Variants in CCT5 observed in about 807,000 individuals in gnomAD.
The protein encoded by CCT5 is T-complex protein 1 subunit epsilon.
Under a neutral mutation model 55.0 loss-of-function variants are expected in CCT5, and 6 were observed. The observed-to-expected ratio is 0.11, with a 90% CI of 0.06 to 0.22. The LOEUF is 0.22. Among genes scored for constraint, CCT5 ranks in the 10% least tolerant of loss-of-function variants. The probability of loss-of-function intolerance (pLI) is 1.00; values close to 1 mark genes in which losing one functional copy is unlikely to be tolerated. For synonymous variants in CCT5, 231 were observed against 243.7 expected (o/e 0.95, Z 0.49); for missense variants, 560 against 694.6 (o/e 0.81, Z 2.18).
chr5:10,257,475 T>C (rs941949012), intron 4 of CCT5, among the ~76,000 whole-genome samples: 1 of 152,246 alleles, frequency 6.6e-6, no homozygotes, highest in Non-Finnish European at 1.5e-5. Flanking sequence ...CATGGTTCTC[T>C]TTTATAGATA....
chr5:10,255,863 T>G (rs985764807), intron 3 of CCT5, 92 bp from the exon 4 acceptor site: 14 of 1,116,294 alleles, frequency 1.3e-5, no homozygotes, highest in East Asian at 2.5e-5. Flanking sequence ...AGAAGCTGCT[T>G]CTTTCCATGA....
upstream of CCT5, chr5:10,249,935 C>CCA: frequency 4.2e-6 from 3 of 716,846 alleles, no homozygotes; most frequent in Non-Finnish European, 3.4e-6. Context: ...AAAAAAAAAA[C>CCA]CGGAAATGGG....
At chr5:10,252,336 G>C (rs370466320) in intron 1 of CCT5, among the ~76,000 whole-genome samples, 3 of 152,206 alleles carry the variant, frequency 2.0e-5, no homozygotes, top group East Asian at 1.9e-4. Context: ...GGACGTGAAC[G>C]TTTTAATGGT....
At chr5:10,260,669 C>T in intron 6 of CCT5, 123 bp from the exon 7 acceptor site, 1 of 1,000,170 alleles carries the variant, frequency 1.0e-6, no homozygotes, top group East Asian at 2.4e-5. Context: ...CTTCTCTTTC[C>T]TTTGCTTTTG....
chr5:10,250,327 C>G lies in CCT5; in HGVS notation c.-14C>G, dbSNP rs188432323. Reference sequence around the variant, plus strand: ...CTCCGCCGGTTGGGGGGAAGTAATTCCGGTTGTTGCACCATGGCGTCCATG... The same window carrying G: ...CTCCGCCGGTTGGGGGGAAGTAATTGCGGTTGTTGCACCATGGCGTCCATG... On this transcript the variant is annotated 5_prime_UTR_variant, in exon 1 of 11. Transcript: ENST00000280326. The G allele has an allele frequency of 6.2e-7, 1 of 1,613,968 alleles. No homozygotes were observed. Among genetic ancestry groups the G allele is most frequent in the Admixed American group, 1.7e-5 (1 of 60,024 alleles).
At chr5:10,256,880 G>A (rs942767825) in intron 4 of CCT5, among the ~76,000 whole-genome samples, 10 of 152,106 alleles carry the variant, frequency 6.6e-5, no homozygotes, top group African/African-American at 1.2e-4. Flanking sequence ...TGTTTTCAGC[G>A]TTCGTGTAAT....
In CCT5 at chr5:10,261,325, G is replaced by C. The variant is rs1010544476; in HGVS notation, c.994-235G>C. 43 of 563,502 alleles carry C rather than the reference G, an allele frequency of 7.6e-5. No individual in the cohort carries two copies. In the South Asian group the frequency reaches 7.7e-4, roughly 10 times the overall value. The allele number at this position is 563,502 out of a possible 1,614,324, so 34.9% of individuals were successfully genotyped here. ...AGATGAGGGTATGAGCTTAGGGGACGGGCGCCGGGTGATAGATCTGGGCAG... is the reference window on the plus strand; with the variant it reads ...AGATGAGGGTATGAGCTTAGGGGACCGGCGCCGGGTGATAGATCTGGGCAG... On this transcript the variant is annotated intron_variant, in intron 7 of 10. Coordinates refer to ENST00000280326, the MANE Select transcript of CCT5 (RefSeq NM_012073.5).
chr5:10,256,277 C>T, intron 4 of CCT5, 124 bp downstream of exon 4: 2 of 865,880 alleles, frequency 2.3e-6, no homozygotes, highest in Non-Finnish European at 3.8e-6. Context: ...GTTTTGATTA[C>T]TTGGTTTTGC....
chr5:10,253,334 A>AG (rs919703061), intron 1 of CCT5, among the ~76,000 whole-genome samples: 53 of 151,894 alleles, frequency 3.5e-4, no homozygotes, highest in African/African-American at 1.2e-3. Context: ...GTCTCAAAAA[A>AG]AAAAAGGCCA....
At chr5:10,262,655 C>G (rs1579457497) in intron 9 of CCT5, 37 bp downstream of exon 9, 1 of 1,610,388 alleles carries the variant, frequency 6.2e-7, no homozygotes, top group African/African-American at 1.3e-5. Context: ...AAGATTCAGG[C>G]CTCGCTGATG....
upstream of CCT5, chr5:10,250,262 C>G (rs753668175): frequency 6.2e-7 from 1 of 1,603,530 alleles, no homozygotes; most frequent in Non-Finnish European, 8.5e-7. Context: ...CTTTTGGGCC[C>G]TCCCGAGAAA....
chr5:10,261,445 A>G, intron 7 of CCT5, 115 bp from the exon 8 acceptor site: 1 of 940,806 alleles, frequency 1.1e-6, no homozygotes, highest in Non-Finnish European at 1.7e-6. Flanking sequence ...AAAGTGGGGC[A>G]GCAGTTCTAG....
intron 3 of CCT5, 28 bp from the exon 4 acceptor site, chr5:10,255,927 A>T (rs781205638): frequency 1.2e-5 from 19 of 1,607,538 alleles, no homozygotes; most frequent in African/African-American, 2.7e-5. Flanking sequence ...TGTTTGCCTG[A>T]ACTGATTGTC....
chr5:10,253,647 C>T (rs1241007330), intron 1 of CCT5, among the ~76,000 whole-genome samples: 1 of 152,204 alleles, frequency 6.6e-6, no homozygotes, highest in African/African-American at 2.4e-5. Flanking sequence ...CCCTCCTTGT[C>T]TGCAGATGGG....
chr5:10,261,817 A>ATTCTGG, intron 8 of CCT5, 72 bp downstream of exon 8: 1 of 1,173,194 alleles, frequency 8.5e-7, no homozygotes, highest in Non-Finnish European at 1.3e-6. Flanking sequence ...GCCTGTGTGT[A>ATTCTGG]TTTAACAGAG....
chr5:10,257,831 T>C (rs1745757800), intron 4 of CCT5: 2 of 473,558 alleles, frequency 4.2e-6, no homozygotes, highest in East Asian at 8.3e-5. Flanking sequence ...AGTGGTTTCT[T>C]GAGTACATTC....
chr5:10,266,174 A>AT lies in CCT5; in HGVS notation c.*1391_*1392insT, dbSNP rs1404233535. ...AAGGACTGAGTCTAGCCTACAGAGA[A>AT]CATACAGCAGCCTTCTTTGGACCAC... On this transcript the variant is annotated 3_prime_UTR_variant, in exon 11 of 11. Transcript: ENST00000280326. 6.6e-6 allele frequency: 1 copy of AT among 152,216 alleles called. No individual in the cohort carries two copies. The highest frequency in any genetic ancestry group is 1.5e-5 in the Non-Finnish European group (1 of 68,044). 9.4% of individuals were successfully genotyped at this position (152,216 alleles called of 1,614,324 possible). A position where few individuals can be genotyped will look rare whatever the true frequency, so the allele number is the denominator to read the frequency against.
intron 1 of CCT5, among the ~76,000 whole-genome samples, chr5:10,253,342 C>G (rs1399786026): frequency 6.9e-6 from 1 of 144,464 alleles, no homozygotes; most frequent in Non-Finnish European, 1.5e-5. Flanking sequence ...AAAAAAAAGG[C>G]CAGTCAGTAA....
intron 1 of CCT5, 149 bp from the exon 2 acceptor site, chr5:10,253,996 A>G: frequency 1.5e-6 from 1 of 653,228 alleles, no homozygotes; most frequent in Non-Finnish European, 2.8e-6. Context: ...AAATGTTATA[A>G]TACTTAAACC....
Sources: allele counts gnomAD v4.1 joint callset (sites outside exome capture counted in the v4.1 genomes callset), GRCh38; gene constraint gnomAD v4.1.1; transcripts MANE v1.5; gene names NCBI Gene and HGNC (gene_info 2026-07-23, HGNC 2026-07-21).